ANKRD44: variants seen among roughly 807,000 people sequenced by gnomAD.
ANKRD44 encodes ankyrin repeat domain 44.
ANKRD44 carries 35 observed loss-of-function variants against 116.0 expected under a neutral mutation model. That is an observed-to-expected ratio of 0.30 (90% CI 0.23 to 0.40). The LOEUF (loss-of-function observed/expected upper bound fraction) is 0.40, where lower values mean the gene tolerates loss of function less well. Among genes scored for constraint, ANKRD44 ranks in the 10% least tolerant of loss-of-function variants. The pLI is 1.00. For synonymous variants in ANKRD44, 435 were observed against 461.8 expected, an observed-to-expected ratio of 0.94 and a Z score of 0.74; for missense variants, 1,014 against 1,242.6, an observed-to-expected ratio of 0.82 and a Z score of 2.77.
intron 26 of ANKRD44, 139 bp from the exon 27 acceptor site, chr2:196,993,813 A>T (rs2075963615): frequency 1.5e-6 from 1 of 664,484 alleles, no homozygotes; most frequent in Admixed American, 2.9e-5. Context: ...TAAGAAAAAA[A>T]AATGCTGACC....
intron 1 of ANKRD44, among the ~76,000 whole-genome samples, chr2:197,269,026 A>G (rs2082816830): frequency 6.6e-6 from 1 of 152,094 alleles, no homozygotes. Flanking sequence ...CATACTCAAA[A>G]AAAGTCCAAC....
At chr2:197,017,739 C>T (rs2076418552) in intron 17 of ANKRD44, among the ~76,000 whole-genome samples, 1 of 152,206 alleles carries the variant, frequency 6.6e-6, no homozygotes, top group Non-Finnish European at 1.5e-5. Context: ...CAGCCTTTAC[C>T]ATCTCAGTAA....
chr2:197,026,836 G>A (rs2076604310), intron 16 of ANKRD44, among the ~76,000 whole-genome samples: 1 of 152,066 alleles, frequency 6.6e-6, no homozygotes, highest in Admixed American at 6.5e-5. Flanking sequence ...GAAACAGTTG[G>A]ATTGTGGATA....
chr2:197,224,374 C>A (rs2081653255), intron 1 of ANKRD44, among the ~76,000 whole-genome samples: 1 of 152,118 alleles, frequency 6.6e-6, no homozygotes, highest in Non-Finnish European at 1.5e-5. Flanking sequence ...ATTATGTAAT[C>A]TTTTAGGGAT....
At chr2:197,281,429 G>C (rs1559215773) in intron 1 of ANKRD44, among the ~76,000 whole-genome samples, 1 of 151,512 alleles carries the variant, frequency 6.6e-6, no homozygotes, top group Non-Finnish European at 1.5e-5. Flanking sequence ...GTAGGTAGTT[G>C]TCCAACTCTC....
intron 1 of ANKRD44, among the ~76,000 whole-genome samples, chr2:197,260,884 A>G (rs865921698): frequency 0.018 from 202 of 11,260 alleles, 4 homozygotes; most frequent in African/African-American, 0.064. Context: ...ATGTCTGAGA[A>G]GTGTCTGTTC....
chr2:197,208,350 T>C (rs1391713554), intron 1 of ANKRD44, among the ~76,000 whole-genome samples: 1 of 152,160 alleles, frequency 6.6e-6, no homozygotes, highest in Non-Finnish European at 1.5e-5. Flanking sequence ...TCCTTCCACC[T>C]TAAGGGAAGA....
chr2:197,149,596 T>C (rs989398207), intron 2 of ANKRD44, among the ~76,000 whole-genome samples: 1 of 152,196 alleles, frequency 6.6e-6, no homozygotes, highest in Non-Finnish European at 1.5e-5. Context: ...CAGAGAAGAC[T>C]TGTATTCAGG....
intron 16 of ANKRD44, among the ~76,000 whole-genome samples, chr2:197,043,302 A>G (rs938536954): frequency 2.0e-5 from 3 of 152,214 alleles, no homozygotes; most frequent in African/African-American, 4.8e-5. Flanking sequence ...AGAAATCTAT[A>G]CTTGTAAAGT....
intron 2 of ANKRD44, 102 bp from the exon 3 acceptor site, chr2:197,147,207 G>T: frequency 1.1e-6 from 1 of 884,028 alleles, no homozygotes; most frequent in South Asian, 1.4e-5. Flanking sequence ...GTTAATGCAT[G>T]TGGAAGAGTG....
intron 1 of ANKRD44, among the ~76,000 whole-genome samples, chr2:197,224,302 G>A (rs941009026): frequency 3.3e-5 from 5 of 152,178 alleles, no homozygotes; most frequent in African/African-American, 1.2e-4. Context: ...TTGATCAACT[G>A]TATCCACAAT....
intron 16 of ANKRD44, among the ~76,000 whole-genome samples, chr2:197,072,114 A>AG (rs1309388940): frequency 6.7e-6 from 1 of 148,216 alleles, no homozygotes; most frequent in South Asian, 2.2e-4. Context: ...GGAAGAAAGG[A>AG]GGAGGGAGGG....
At chr2:197,306,174 C>T (rs1160694403) in intron 1 of ANKRD44, among the ~76,000 whole-genome samples, 1 of 152,004 alleles carries the variant, frequency 6.6e-6, no homozygotes, top group Non-Finnish European at 1.5e-5. Flanking sequence ...CATCCAATGG[C>T]TTCTCTGTAA....
intron 2 of ANKRD44, among the ~76,000 whole-genome samples, chr2:197,166,707 C>T (rs1011331203): frequency 6.6e-6 from 1 of 151,860 alleles, no homozygotes; most frequent in South Asian, 2.1e-4. Context: ...AATAGAGGCA[C>T]GGAGAGATTA....
intron 4 of ANKRD44, among the ~76,000 whole-genome samples, chr2:197,130,778 T>C (rs2079076892): frequency 1.3e-5 from 2 of 152,204 alleles, no homozygotes; most frequent in South Asian, 2.1e-4. Flanking sequence ...AAGCCCACAA[T>C]AATGATCATG....
At chr2:197,104,731 A>T (rs1363789759) in intron 9 of ANKRD44, among the ~76,000 whole-genome samples, 1 of 152,170 alleles carries the variant, frequency 6.6e-6, no homozygotes, top group Non-Finnish European at 1.5e-5. Context: ...ATTTTCAGCA[A>T]ACAACGCTTT....
chr2:197,193,675 C>T (rs1011448038), intron 1 of ANKRD44, among the ~76,000 whole-genome samples: 2 of 151,944 alleles, frequency 1.3e-5, no homozygotes, highest in Non-Finnish European at 2.9e-5. Context: ...GTCAGGAGAT[C>T]GAGACCATCC....
chr2:197,154,662 T>C (rs562903548), intron 2 of ANKRD44, among the ~76,000 whole-genome samples: 3 of 152,214 alleles, frequency 2.0e-5, no homozygotes, highest in Non-Finnish European at 4.4e-5. Flanking sequence ...AAGTTATGTA[T>C]TCACCTAGAC....
intron 25 of ANKRD44, among the ~76,000 whole-genome samples, chr2:196,997,120 T>C (rs528331454): frequency 9.2e-5 from 14 of 151,866 alleles, no homozygotes; most frequent in Non-Finnish European, 2.1e-4. Context: ...ATTTTTGGAT[T>C]TGGGATAATC....
Sources: gnomAD v4.1 joint callset for allele counts (sites outside exome capture counted in the v4.1 genomes callset) on GRCh38, gnomAD v4.1.1 for gene constraint, MANE v1.5 for transcripts, NCBI Gene and HGNC (gene_info 2026-07-23, HGNC 2026-07-21) for gene names.